SLCO6A1: variants seen among roughly 807,000 people sequenced by gnomAD.
The protein encoded by SLCO6A1 is solute carrier organic anion transporter family member 6A1, also known as cancer/testis antigen 48.
A neutral mutation model predicts 72.7 loss-of-function variants in SLCO6A1; 65 were observed. The ratio of observed to expected loss-of-function variants is 0.89; its 90% CI spans 0.73 to 1.10. The LOEUF (loss-of-function observed/expected upper bound fraction) is 1.10. SLCO6A1 is among the 50% of genes least tolerant of loss of function. SLCO6A1 has a pLI of 0.00. For synonymous variants in SLCO6A1, 314 were observed against 298.2 expected, an observed-to-expected ratio of 1.05 and a Z score of -0.55; for missense variants, 874 against 872.6, an observed-to-expected ratio of 1.00 and a Z score of -0.02.
chr5:102,389,151 T>C (rs187621373), intron 11 of SLCO6A1, among the ~76,000 whole-genome samples: 3 of 152,322 alleles, frequency 2.0e-5, no homozygotes, highest in East Asian at 3.9e-4. Context: ...AAAACAGAGA[T>C]ACCAAATACT....
rs1345516298 is a variant in SLCO6A1, at chr5:102,498,723, G to A, written c.122C>T (p.Ser41Phe). ...KDRRAKGTPK[S>F]SKPGKKHRYL... The stretch of plus-strand genomic sequence containing the variant: ...CCGGTGTTTTTTCCCGGGCTTCGAG[G>A]ACTTCGGGGTTCCCTTGGCCCTCCT... Residue 41 changes from serine (S) to phenylalanine (F), a missense_variant, in exon 1 of 14, where the codon TCC becomes TTC. By Grantham distance (155) the Ser-to-Phe change is radical. Coordinates refer to ENST00000506729, the MANE Select transcript of SLCO6A1 (RefSeq NM_173488.5). 6.2e-6 allele frequency: 10 copies of A among 1,614,052 alleles called. No individual in the cohort carries two copies. Among genetic ancestry groups the A allele is most frequent in the Non-Finnish European group, 7.6e-6 (9 of 1,180,034 alleles).
intron 5 of SLCO6A1, among the ~76,000 whole-genome samples, chr5:102,458,893 T>C (rs909149270): frequency 6.6e-6 from 1 of 152,208 alleles, no homozygotes; most frequent in Non-Finnish European, 1.5e-5. Flanking sequence ...AAATGTACTA[T>C]AATCAGGAGA....
rs1295251294 is a variant in SLCO6A1 at position 102,466,918 on chromosome 5, A to G, written c.900-7141T>C. Among the ~76,000 whole-genome samples, 5 of 151,960 alleles carry G rather than the reference A, an allele frequency of 3.3e-5. 1 individual carries two copies. Among genetic ancestry groups the G allele is most frequent in the Non-Finnish European group, 5.9e-5 (4 of 67,958 alleles). ...ATTCCTTATAGATGCTGGATATTAG[A>G]CCTTAGTCAGATGCATGTTTGTTAA... On this transcript the variant is annotated intron_variant, in intron 4 of 13. Transcript: ENST00000506729.
At chr5:102,459,618 A>C (rs1213520465) in intron 5 of SLCO6A1, 38 bp downstream of exon 5, 2 of 1,548,098 alleles carry the variant, frequency 1.3e-6, no homozygotes, top group Non-Finnish European at 1.7e-6. Flanking sequence ...GGAAGAAACT[A>C]CTATCCTCCA....
chr5:102,422,059 A>T (rs1748636291), intron 7 of SLCO6A1, among the ~76,000 whole-genome samples: 1 of 152,244 alleles, frequency 6.6e-6, no homozygotes, highest in Non-Finnish European at 1.5e-5. Context: ...ACTAACAAAC[A>T]GAAAGCAATA....
intron 1 of SLCO6A1, among the ~76,000 whole-genome samples, chr5:102,485,199 T>C (rs1396329692): frequency 3.3e-5 from 5 of 151,674 alleles, no homozygotes; most frequent in Non-Finnish European, 7.4e-5. Context: ...TGTGGTGAGC[T>C]GAGATTGCAC....
At chr5:102,394,756 G>T (rs1746968091) in intron 10 of SLCO6A1, among the ~76,000 whole-genome samples, 1 of 152,014 alleles carries the variant, frequency 6.6e-6, no homozygotes, top group South Asian at 2.1e-4. Context: ...GTGATGAAAG[G>T]ATAAAATATA....
chr5:102,482,042 C>A (rs1247278137), intron 1 of SLCO6A1, among the ~76,000 whole-genome samples: 2 of 152,116 alleles, frequency 1.3e-5, no homozygotes, highest in African/African-American at 4.8e-5. Flanking sequence ...TAAGAATTTT[C>A]TTTAACTTTT....
At chr5:102,480,072 G>C in intron 2 of SLCO6A1, 105 bp downstream of exon 2, 1 of 1,090,182 alleles carries the variant, frequency 9.2e-7, no homozygotes, top group South Asian at 1.7e-5. Flanking sequence ...TGGATGGATG[G>C]ATAGATATAC....
Position 102,434,861 on chromosome 5 carries a change from A to C in SLCO6A1, c.1276+3756T>G, listed in dbSNP as rs1352840198. Among the ~76,000 whole-genome samples, 4 of 152,282 alleles carry C rather than the reference A, an allele frequency of 2.6e-5. No homozygotes were observed. The East Asian group carries it at 5.8e-4, about 22-fold the overall frequency. Reference sequence around the variant, plus strand: ...AAGATTCCTTCTGCTTTCAAGTTACAGATAACAGTTCCAGCAATGTGCAAT... The same window carrying C: ...AAGATTCCTTCTGCTTTCAAGTTACCGATAACAGTTCCAGCAATGTGCAAT... On this transcript the variant is annotated intron_variant, in intron 7 of 13. Transcript: ENST00000506729.
chr5:102,475,993 G>A (rs1751878561), intron 3 of SLCO6A1, among the ~76,000 whole-genome samples, 200 bp from the exon 4 acceptor site: 5 of 152,092 alleles, frequency 3.3e-5, no homozygotes. Context: ...TCTCAGAAGT[G>A]GGAACCAAGC....
At chr5:102,468,776 G>A (rs1329550263) in intron 4 of SLCO6A1, among the ~76,000 whole-genome samples, 1 of 151,944 alleles carries the variant, frequency 6.6e-6, no homozygotes, top group Non-Finnish European at 1.5e-5. Context: ...TTTCTTCTAG[G>A]GTTTTTATGG....
chr5:102,406,544 A>C (rs943964841), intron 9 of SLCO6A1, among the ~76,000 whole-genome samples: 12 of 152,112 alleles, frequency 7.9e-5, no homozygotes, highest in Non-Finnish European at 7.4e-5. Flanking sequence ...ATACAACATT[A>C]TAAGCCATAC....
chr5:102,384,602 T>A (rs1746304472), intron 12 of SLCO6A1, among the ~76,000 whole-genome samples: 1 of 152,150 alleles, frequency 6.6e-6, no homozygotes, highest in Non-Finnish European at 1.5e-5. Context: ...TGATAACCAC[T>A]TAACTTCCAT....
intron 12 of SLCO6A1, among the ~76,000 whole-genome samples, chr5:102,384,327 G>A (rs1746286756): frequency 6.6e-6 from 1 of 151,884 alleles, no homozygotes; most frequent in Non-Finnish European, 1.5e-5. Context: ...TACATTTAAA[G>A]TAATTATTGA....
intron 9 of SLCO6A1, among the ~76,000 whole-genome samples, chr5:102,403,540 GA>G (rs1747511505): frequency 6.6e-6 from 1 of 152,062 alleles, no homozygotes; most frequent in African/African-American, 2.4e-5. Flanking sequence ...CATTTGTATA[GA>G]AAAGACTTTA....
At chr5:102,380,066 T>A (rs1213434319) in intron 12 of SLCO6A1, among the ~76,000 whole-genome samples, 1 of 152,022 alleles carries the variant, frequency 6.6e-6, no homozygotes, top group Non-Finnish European at 1.5e-5. Context: ...TGATTATATA[T>A]TTAGCAACTT....
At chr5:102,485,333 G>A (rs769361758) in intron 1 of SLCO6A1, among the ~76,000 whole-genome samples, 4 of 151,614 alleles carry the variant, frequency 2.6e-5, no homozygotes, top group Non-Finnish European at 5.9e-5. Context: ...CTGGCTCTTC[G>A]GTGGCTCCCA....
At chr5:102,396,005 G>A (rs1434564197) in intron 10 of SLCO6A1, among the ~76,000 whole-genome samples, 1 of 151,982 alleles carries the variant, frequency 6.6e-6, no homozygotes, top group African/African-American at 2.4e-5. Flanking sequence ...TGTTCACTCT[G>A]ATGGTAGTTT....
Sources: allele counts gnomAD v4.1 joint callset (sites outside exome capture counted in the v4.1 genomes callset), GRCh38; gene constraint gnomAD v4.1.1; transcripts MANE v1.5; gene names NCBI Gene and HGNC (gene_info 2026-07-23, HGNC 2026-07-21).